The following CNTNAP2 variants were observed in gnomAD, a reference collection of about 807,000 sequenced individuals.
CNTNAP2 encodes contactin-associated protein-like 2.
A neutral mutation model predicts 155.2 loss-of-function variants in CNTNAP2; 98 were observed. The observed-to-expected ratio is 0.63, with a 90% CI of 0.54 to 0.75. The LOEUF is 0.75. CNTNAP2 is among the 30% of genes least tolerant of loss of function. CNTNAP2 has a pLI of 0.00. For synonymous variants in CNTNAP2, 651 were observed against 631.2 expected, an observed-to-expected ratio of 1.03 and a Z score of -0.47; for missense variants, 1,727 against 1,688.1, an observed-to-expected ratio of 1.02 and a Z score of -0.40.
At chr7:146,891,008 T>A (rs371251311) in intron 3 of CNTNAP2, among the ~76,000 whole-genome samples, 4 of 152,284 alleles carry the variant, frequency 2.6e-5, no homozygotes, top group African/African-American at 9.6e-5. Context: ...CAATGGTGGA[T>A]TGGATAATGA....
intron 1 of CNTNAP2, among the ~76,000 whole-genome samples, chr7:146,352,750 GTTTTTTTT>G (rs531124445): frequency 1.6e-5 from 1 of 64,338 alleles, no homozygotes; most frequent in Non-Finnish European, 2.9e-5. Context: ...GCATAATTCT[GTTTTTTTT>G]TTTTTTTTTT....
chr7:148,070,591 C>G (rs1039521584), intron 15 of CNTNAP2, among the ~76,000 whole-genome samples: 3 of 152,098 alleles, frequency 2.0e-5, no homozygotes, highest in African/African-American at 7.2e-5. Context: ...GTGGTGCACA[C>G]CTGGTAGTCC....
At chr7:146,243,555 T>C (rs999458979) in intron 1 of CNTNAP2, among the ~76,000 whole-genome samples, 1 of 152,200 alleles carries the variant, frequency 6.6e-6, no homozygotes, top group Non-Finnish European at 1.5e-5. Flanking sequence ...GTTTGTTGTA[T>C]AGTGTTTACT....
rs58133194 is a variant in CNTNAP2 at position 146,806,394 on chromosome 7, G to T, written c.208+32013G>T. 1.2e-3 allele frequency among the ~76,000 whole-genome samples: 182 copies of T among 152,082 alleles called. 2 individuals are homozygous for T. Among genetic ancestry groups the T allele is most frequent in the African/African-American group, 2.7e-3 (112 of 41,506 alleles). Reference sequence around the variant, plus strand: ...GCCTGTAATCCCAGCTACTTGGGAGGCTGAGGCAGGAGAATCACTTGAACC... The same window carrying T: ...GCCTGTAATCCCAGCTACTTGGGAGTCTGAGGCAGGAGAATCACTTGAACC... On this transcript the variant is annotated intron_variant, in intron 2 of 23. Transcript: ENST00000361727.
At chr7:147,357,697 A>C (rs544676909) in intron 9 of CNTNAP2, among the ~76,000 whole-genome samples, 1 of 151,834 alleles carries the variant, frequency 6.6e-6, no homozygotes, top group African/African-American at 2.4e-5. Context: ...CAGACTTCCC[A>C]CTGGTTTCTG....
intron 3 of CNTNAP2, among the ~76,000 whole-genome samples, chr7:146,960,510 TG>T (rs1182374437): frequency 6.6e-6 from 1 of 152,182 alleles, no homozygotes; most frequent in Non-Finnish European, 1.5e-5. Flanking sequence ...AAATATGATG[TG>T]GCATTCAGAA....
At chr7:146,843,596 C>CAAAAA (rs10639255) in intron 3 of CNTNAP2, among the ~76,000 whole-genome samples, 15 of 126,552 alleles carry the variant, frequency 1.2e-4, no homozygotes, top group Non-Finnish European at 1.8e-4. Context: ...CTTACTAATA[C>CAAAAA]AAAAAAAAAA....
intron 13 of CNTNAP2, among the ~76,000 whole-genome samples, chr7:147,641,632 A>C (rs1795280044): frequency 6.6e-6 from 1 of 152,154 alleles, no homozygotes; most frequent in Non-Finnish European, 1.5e-5. Context: ...GCTTTCAGTA[A>C]GTAATTAAGA....
At chr7:146,123,097 A>T (rs928231371) in intron 1 of CNTNAP2, among the ~76,000 whole-genome samples, 34 of 152,272 alleles carry the variant, frequency 2.2e-4, no homozygotes, top group African/African-American at 7.7e-4. Context: ...GATAGTAGGA[A>T]ATCTAGATAT....
At chr7:147,216,791 A>G (rs1279384668) in intron 8 of CNTNAP2, among the ~76,000 whole-genome samples, 1 of 152,010 alleles carries the variant, frequency 6.6e-6, no homozygotes, top group Non-Finnish European at 1.5e-5. Context: ...TCTTAACAAT[A>G]TTGAGTCATC....
intron 1 of CNTNAP2, among the ~76,000 whole-genome samples, chr7:146,691,618 T>C (rs1017552321): frequency 2.0e-5 from 3 of 152,090 alleles, no homozygotes; most frequent in Non-Finnish European, 4.4e-5. Context: ...TAATCGTAAG[T>C]CAGGGAGGGT....
chr7:146,926,709 T>C (rs934033579), intron 3 of CNTNAP2, among the ~76,000 whole-genome samples: 4 of 152,132 alleles, frequency 2.6e-5, no homozygotes, highest in Non-Finnish European at 5.9e-5. Flanking sequence ...AGGAATGATA[T>C]AAAGTCTATG....
intron 1 of CNTNAP2, among the ~76,000 whole-genome samples, chr7:146,233,454 C>T (rs891065212): frequency 1.6e-5 from 2 of 122,876 alleles, no homozygotes; most frequent in Non-Finnish European, 1.8e-5. Flanking sequence ...TCAGAATATA[C>T]TCTGTGACTC....
rs780230851 is a variant in CNTNAP2 at position 147,521,649 on chromosome 7, C to T, written c.1777+35608C>T. Among the ~76,000 whole-genome samples, 7 of 152,168 alleles carry T rather than the reference C, an allele frequency of 4.6e-5. No homozygotes were observed. In the East Asian group the frequency reaches 9.7e-4, roughly 21 times the overall value. On this transcript the variant is annotated intron_variant, in intron 11 of 23. Coordinates refer to ENST00000361727, the MANE Select transcript of CNTNAP2 (RefSeq NM_014141.6). ...TCTTCTTCTAAATTCACAAAATAGA[C>T]GAGTCATTCTCTGCCTGTCTTCACT...
intron 1 of CNTNAP2, among the ~76,000 whole-genome samples, chr7:146,387,989 A>C (rs533414599): frequency 6.7e-6 from 1 of 149,674 alleles, no homozygotes; most frequent in Non-Finnish European, 1.5e-5. Context: ...TGATTTTTTT[A>C]TATCATGTGT....
At chr7:147,923,856 A>G (rs1286332113) in intron 14 of CNTNAP2, among the ~76,000 whole-genome samples, 2 of 152,078 alleles carry the variant, frequency 1.3e-5, no homozygotes, top group Non-Finnish European at 2.9e-5. Context: ...AAAAAAACGT[A>G]GTCTGCAAAC....
chr7:146,278,140 A>G (rs1168252895), intron 1 of CNTNAP2, among the ~76,000 whole-genome samples: 1 of 152,138 alleles, frequency 6.6e-6, no homozygotes, highest in East Asian at 1.9e-4. Flanking sequence ...TGATGTGCCT[A>G]TAGTTTTAGA....
At chr7:147,679,414 A>C (rs564782548) in intron 13 of CNTNAP2, among the ~76,000 whole-genome samples, 6 of 151,954 alleles carry the variant, frequency 3.9e-5, no homozygotes, top group Non-Finnish European at 8.8e-5. Flanking sequence ...ATTAACAAGG[A>C]TTAAGAACAA....
chr7:146,615,227 A>G (rs1244042940), intron 1 of CNTNAP2, among the ~76,000 whole-genome samples: 1 of 152,198 alleles, frequency 6.6e-6, no homozygotes. Flanking sequence ...TGCACAGTAC[A>G]CAATCATTAA....
Sources: allele counts gnomAD v4.1 joint callset (sites outside exome capture counted in the v4.1 genomes callset), GRCh38; gene constraint gnomAD v4.1.1; transcripts MANE v1.5; gene names NCBI Gene and HGNC (gene_info 2026-07-23, HGNC 2026-07-21).